Variants in PCDHGA2 observed in about 807,000 individuals in gnomAD.
PCDHGA2 encodes the protein protocadherin gamma subfamily A, 2, also known as protocadherin gamma-A2.
A neutral mutation model predicts 59.2 loss-of-function variants in PCDHGA2; 40 were observed. The ratio of observed to expected loss-of-function variants is 0.68; its 90% CI spans 0.52 to 0.88. PCDHGA2 has a LOEUF of 0.88. Ranked by LOEUF, PCDHGA2 falls within the 40% of genes least tolerant of loss-of-function variation. The pLI, the probability that PCDHGA2 is intolerant of heterozygous loss-of-function variation, is 0.00. For missense variants in PCDHGA2, 1,226 were observed against 1,204.0 expected (o/e 1.02, Z -0.27); for synonymous variants, 560 against 526.0 (o/e 1.06, Z -0.89).
chr5:141,427,931 G>T (rs1381637805), intron 1 of PCDHGA2: 3 of 1,583,646 alleles, frequency 1.9e-6, no homozygotes, highest in Non-Finnish European at 2.6e-6. Flanking sequence ...GGCGCATGTT[G>T]GTGGGCGACC....
rs1259831891 is a variant in PCDHGA2 at position 141,383,082 on chromosome 5, G to C, written c.2424+41687G>C. 36 of 1,613,934 alleles carry C rather than the reference G, an allele frequency of 2.2e-5. 1 individual carries two copies. The highest frequency in any genetic ancestry group is 3.1e-5 in the Non-Finnish European group (36 of 1,179,910). ...GGCTGGAGCCCCGGGAGCTGGCGGA[G>C]CGCGGAGTCCGCATCATCTCCAGAG... On this transcript the variant is annotated intron_variant, in intron 1 of 3. Transcript: ENST00000394576.
chr5:141,509,148 C>T (rs1345910772), intron 3 of PCDHGA2, among the ~76,000 whole-genome samples: 1 of 152,198 alleles, frequency 6.6e-6, no homozygotes, highest in Non-Finnish European at 1.5e-5. Context: ...CATCCCGGCT[C>T]TCCCCTCCCG....
In PCDHGA2 at chr5:141,341,519, T is replaced by A; in HGVS notation, c.2424+124T>A. 7 of 1,515,340 alleles carry A rather than the reference T, an allele frequency of 4.6e-6. No homozygotes were observed. The South Asian group carries it at 9.4e-5, about 20-fold the overall frequency. The allele number at this position is 1,515,340 out of a possible 1,614,324, so 93.9% of individuals were successfully genotyped here. A position where few individuals can be genotyped will look rare whatever the true frequency, so the allele number is the denominator to read the frequency against. ...GTAGAGTCAAGTTTTAGGAAGTGAG[T>A]CTTGGTGAATTATTTCTTGGTAGGT... On this transcript the variant is annotated intron_variant, in intron 1 of 3. Coordinates refer to ENST00000394576, the MANE Select transcript of PCDHGA2 (RefSeq NM_018915.4).
At chr5:141,360,821 G>A (rs1214770155) in intron 1 of PCDHGA2, 1 of 1,613,924 alleles carries the variant, frequency 6.2e-7, no homozygotes, top group Non-Finnish European at 8.5e-7. Flanking sequence ...ACCCAAATCC[G>A]AATCAAAGTC....
At chr5:141,495,984 ATC>A (rs2099765081) in intron 2 of PCDHGA2, among the ~76,000 whole-genome samples, 1 of 149,246 alleles carries the variant, frequency 6.7e-6, no homozygotes, top group East Asian at 2.0e-4. Context: ...CTCTTTCTTT[ATC>A]TCTCTTTTTC....
At chr5:141,357,397 G>A in intron 1 of PCDHGA2, 2 of 1,614,242 alleles carry the variant, frequency 1.2e-6, no homozygotes, top group Non-Finnish European at 1.7e-6. Flanking sequence ...CAGCAGGTTG[G>A]CAGGTGTGCC....
rs368075478 is a variant in PCDHGA2, at chr5:141,403,866, A to G, written c.2424+62471A>G. The G allele has an allele frequency of 1.3e-4, 207 of 1,613,762 alleles. No individual in the cohort carries two copies. Among genetic ancestry groups the G allele is most frequent in the Non-Finnish European group, 1.6e-4 (186 of 1,179,844 alleles). On this transcript the variant is annotated intron_variant, in intron 1 of 3. Transcript: ENST00000394576. ...AATACTGGGGAAATATCAACAGCAA[A>G]AAGTCTAGATTATGAAGAATGTTCA...
In PCDHGA2 at chr5:141,476,702, C is replaced by A. The variant is rs751321222; in HGVS notation, c.2425-18105C>A. 1.4e-5 allele frequency: 23 copies of A among 1,614,104 alleles called. No individual in the cohort carries two copies. Among genetic ancestry groups the A allele is most frequent in the Non-Finnish European group, 1.7e-5 (20 of 1,180,050 alleles). ...GGAGGACAGCACCAAGTACGCGGAG[C>A]TGGTGTTGGAGCGCGCCCTGGACCG... is the stretch of plus-strand genomic sequence containing the variant. On this transcript the variant is annotated intron_variant, in intron 1 of 3. Coordinates refer to ENST00000394576, the MANE Select transcript of PCDHGA2 (RefSeq NM_018915.4). The surrounding 1 kb of genome is among the most constrained non-coding windows in gnomAD (Gnocchi z 7.6).
At chr5:141,427,132 G>A (rs755992698) in intron 1 of PCDHGA2, 1 of 457,106 alleles carries the variant, frequency 2.2e-6, no homozygotes, top group South Asian at 1.5e-5. Flanking sequence ...AAATCCCTAC[G>A]AGATGATATT....
chr5:141,489,894 G>T lies in PCDHGA2; in HGVS notation c.2425-4913G>T. 1.2e-6 allele frequency: 2 copies of T among 1,614,204 alleles called. No homozygotes were observed. Among genetic ancestry groups the T allele is most frequent in the Non-Finnish European group, 1.7e-6 (2 of 1,180,028 alleles). The stretch of plus-strand genomic sequence containing the variant: ...TGGTGCTTACTGCTGTGGATGGGGG[G>T]ACCCCAGCCCGCTCAGGGACCACCC... On this transcript the variant is annotated intron_variant, in intron 1 of 3. Transcript: ENST00000394576. The surrounding 1 kb of genome is among the most constrained non-coding windows in gnomAD (Gnocchi z 4.5).
In PCDHGA2 at chr5:141,338,905, G is replaced by A. The variant is rs777160790; in HGVS notation, c.-67G>A. The A allele has an allele frequency of 1.1e-5, 17 of 1,496,996 alleles. No individual in the cohort carries two copies. Among genetic ancestry groups the A allele is most frequent in the Non-Finnish European group, 1.5e-5 (17 of 1,123,814 alleles). 92.7% of individuals were successfully genotyped at this position (1,496,996 alleles called of 1,614,324 possible). ...GAATGCTGGTTATCTCACACCCTGA[G>A]GAATAAAGATTGGAATCCGCACTGG... On this transcript the variant is annotated 5_prime_UTR_variant, in exon 1 of 4. Coordinates refer to ENST00000394576, the MANE Select transcript of PCDHGA2 (RefSeq NM_018915.4).
At chr5:141,415,157 C>T in intron 1 of PCDHGA2, 1 of 1,613,864 alleles carries the variant, frequency 6.2e-7, no homozygotes, top group Non-Finnish European at 8.5e-7. Flanking sequence ...CTCTCCGCCA[C>T]TGTCACGCTC....
intron 1 of PCDHGA2, chr5:141,423,426 GGCAGGTA>G: frequency 1.9e-6 from 3 of 1,614,028 alleles, no homozygotes; most frequent in Non-Finnish European, 2.5e-6. Flanking sequence ...AAGGCGGGTT[GGCAGGTA>G]TGCCCACGTC....
intron 1 of PCDHGA2, chr5:141,362,295 G>A (rs1312691474): frequency 1.2e-6 from 2 of 1,614,062 alleles, no homozygotes; most frequent in Non-Finnish European, 1.7e-6. Context: ...TCTCTTCCAG[G>A]TCAGATGCTT....
intron 1 of PCDHGA2, chr5:141,388,600 C>G (rs1561620181): frequency 6.2e-7 from 1 of 1,613,856 alleles, no homozygotes; most frequent in Non-Finnish European, 8.5e-7. Context: ...AATGATAATG[C>G]TCCAGTGTTC....
chr5:141,384,020 G>A (rs1158407540), intron 1 of PCDHGA2: 2 of 1,613,612 alleles, frequency 1.2e-6, no homozygotes, highest in Admixed American at 3.3e-5. Flanking sequence ...CTACAAGACA[G>A]AGATTCTGGA....
At chr5:141,343,713 C>T (rs1757311747) in intron 1 of PCDHGA2, 1 of 226,344 alleles carries the variant, frequency 4.4e-6, no homozygotes, top group African/African-American at 2.3e-5. Context: ...AGAAGGATTT[C>T]AGATCTTGGA....
At position 141,394,369 on chromosome 5, in the gene PCDHGA2, C is replaced by T. The variant is rs183754735; in HGVS notation, c.2424+52974C>T. On this transcript the variant is annotated intron_variant, in intron 1 of 3. Transcript: ENST00000394576. Reference sequence around the variant, plus strand: ...ACCGGTGTCCTGTATGCGCTGCAATCTTTCGACTATGAGCAGATCCGAGAC... The same window carrying T: ...ACCGGTGTCCTGTATGCGCTGCAATTTTTCGACTATGAGCAGATCCGAGAC... 3.7e-5 allele frequency: 59 copies of T among 1,614,206 alleles called. No homozygotes were observed. Among genetic ancestry groups the T allele is most frequent in the Middle Eastern group, 1.6e-4 (1 of 6,062 alleles).
In PCDHGA2 at chr5:141,491,634, C is replaced by T; in HGVS notation, c.2425-3173C>T. On this transcript the variant is annotated intron_variant, in intron 1 of 3. Coordinates refer to ENST00000394576, the MANE Select transcript of PCDHGA2 (RefSeq NM_018915.4). This position sits in a 1 kb window ranked among gnomAD's most constrained non-coding sequence, Gnocchi z 6.9. ...TAAGACCCCTCAGCGTTCAGCAGCC[C>T]ACAGCTCTGGCGCTGGAGCCTGACG... 1 of 1,613,892 alleles carries T rather than the reference C, an allele frequency of 6.2e-7. No individual in the cohort carries two copies. Among genetic ancestry groups the T allele is most frequent in the South Asian group, 1.1e-5 (1 of 91,084 alleles).
Sources: allele counts gnomAD v4.1 joint callset (sites outside exome capture counted in the v4.1 genomes callset), GRCh38; gene constraint gnomAD v4.1.1; non-coding constraint Gnocchi (gnomAD v3.1); transcripts MANE v1.5; gene names NCBI Gene and HGNC (gene_info 2026-07-23, HGNC 2026-07-21).